FSTL5: variants seen among roughly 807,000 people sequenced by gnomAD.
FSTL5 encodes follistatin like 5, also known as follistatin-related protein 5.
A neutral mutation model predicts 89.1 loss-of-function variants in FSTL5; 62 were observed. The observed-to-expected ratio is 0.70, with a 90% CI of 0.57 to 0.86. FSTL5 has a LOEUF of 0.86. Ranked by LOEUF, FSTL5 falls within the 40% of genes least tolerant of loss-of-function variation. FSTL5 has a pLI of 0.00. For missense variants in FSTL5, 1,057 were observed against 1,001.6 expected (o/e 1.06, Z -0.75); for synonymous variants, 383 against 346.2 (o/e 1.11, Z -1.18).
intron 4 of FSTL5, among the ~76,000 whole-genome samples, chr4:161,830,609 C>T (rs1015607970): frequency 1.3e-5 from 2 of 151,824 alleles, no homozygotes; most frequent in African/African-American, 4.8e-5. Context: ...AAGTATATAC[C>T]ATAAGTATAT....
intron 7 of FSTL5, among the ~76,000 whole-genome samples, chr4:161,596,617 A>G (rs1413624697): frequency 6.6e-6 from 1 of 152,162 alleles, no homozygotes; most frequent in Non-Finnish European, 1.5e-5. Flanking sequence ...TTTAGGAATA[A>G]CTACATCTCA....
intron 3 of FSTL5, among the ~76,000 whole-genome samples, chr4:161,989,526 GACTA>G (rs139435770): frequency 0.055 from 8,371 of 152,136 alleles, 262 homozygotes; most frequent in Non-Finnish European, 0.077. Flanking sequence ...ATAAAAAGAT[GACTA>G]ACTGTCAACT....
intron 8 of FSTL5, among the ~76,000 whole-genome samples, chr4:161,586,826 G>A (rs898895654): frequency 6.6e-6 from 1 of 152,120 alleles, no homozygotes; most frequent in African/African-American, 2.4e-5. Flanking sequence ...CCTACAGAAA[G>A]CCATGTAAGT....
intron 4 of FSTL5, among the ~76,000 whole-genome samples, chr4:161,860,243 G>T (rs550530120): frequency 1.3e-5 from 2 of 152,050 alleles, no homozygotes; most frequent in Non-Finnish European, 2.9e-5. Flanking sequence ...AGAGGAGATC[G>T]CGCCACTGCA....
At chr4:161,860,915 A>ACCCCTCTCTCTCTCT (rs1731890302) in intron 4 of FSTL5, among the ~76,000 whole-genome samples, 1 of 151,310 alleles carries the variant, frequency 6.6e-6, no homozygotes, top group Non-Finnish European at 1.5e-5. Context: ...TCTCTCTCTC[A>ACCCCTCTCTCTCTCT]CACACACACA....
At position 161,654,607 on chromosome 4, in the gene FSTL5, A is replaced by G. The variant is rs147927396; in HGVS notation, c.894+1721T>C. On this transcript the variant is annotated intron_variant, in intron 7 of 15. Coordinates refer to ENST00000306100, the MANE Select transcript of FSTL5 (RefSeq NM_020116.5). ...AAAAGATAAAAATTGAAGAAGCTCT[A>G]TGTTTTTGATATATTCTGGGACATT... Among the ~76,000 whole-genome samples the G allele has an allele frequency of 6.0e-3, 917 of 152,254 alleles. 9 individuals carry two copies. The highest frequency in any genetic ancestry group is 0.046 in the South Asian group (220 of 4,824).
At chr4:161,497,231 T>C (rs2126479535) in intron 12 of FSTL5, among the ~76,000 whole-genome samples, 1 of 152,224 alleles carries the variant, frequency 6.6e-6, no homozygotes, top group South Asian at 2.1e-4. Flanking sequence ...TTATTTTACA[T>C]TAAGGAATGA....
At chr4:162,057,485 G>T (rs1738583295) in intron 2 of FSTL5, among the ~76,000 whole-genome samples, 1 of 152,096 alleles carries the variant, frequency 6.6e-6, no homozygotes, top group African/African-American at 2.4e-5. Context: ...TTTGCATTGG[G>T]CATAATGCAG....
chr4:161,810,139 T>TA (rs534592301), intron 4 of FSTL5, among the ~76,000 whole-genome samples: 266 of 152,188 alleles, frequency 1.7e-3, no homozygotes, highest in African/African-American at 6.1e-3. Context: ...ACAAGTATAT[T>TA]AAAAAAATTA....
intron 3 of FSTL5, among the ~76,000 whole-genome samples, chr4:161,945,062 T>C (rs1053922524): frequency 6.6e-6 from 1 of 152,254 alleles, no homozygotes; most frequent in African/African-American, 2.4e-5. Flanking sequence ...TCTCAGGTAG[T>C]ATACACTGGA....
At chr4:162,086,494 A>C (rs1282862518) in intron 2 of FSTL5, among the ~76,000 whole-genome samples, 1 of 151,972 alleles carries the variant, frequency 6.6e-6, no homozygotes. Flanking sequence ...TGGCATAATG[A>C]ATATGTCATG....
intron 8 of FSTL5, among the ~76,000 whole-genome samples, chr4:161,547,200 C>A (rs1209418747): frequency 6.6e-6 from 1 of 151,976 alleles, no homozygotes; most frequent in Non-Finnish European, 1.5e-5. Flanking sequence ...ATGCCAGCCG[C>A]AATCAAGCTT....
At chr4:162,029,643 TATC>T (rs1419823603) in intron 3 of FSTL5, among the ~76,000 whole-genome samples, 1 of 152,142 alleles carries the variant, frequency 6.6e-6, no homozygotes, top group Non-Finnish European at 1.5e-5. Context: ...GTGATGTGTT[TATC>T]ATCATCGATT....
At position 161,459,262 on chromosome 4, in the gene FSTL5, C is replaced by A. The variant is rs1733475863; in HGVS notation, c.1666G>T (p.Val556Phe). The change falls in exon 14 of 16, where the codon GTC (valine) becomes TTC (phenylalanine). Residue 556 changes from valine to phenylalanine, a missense_variant. Val to Phe is a conservative substitution (Grantham distance 50). This residue lies in a region of FSTL5 where 980 missense variants were observed against 903.2 expected (regional missense o/e 1.08). Coordinates refer to ENST00000306100, the MANE Select transcript of FSTL5 (RefSeq NM_020116.5). Reference protein sequence around the residue: ...KLHYDKSHDQVWVLSWGTLEK... With the variant: ...KLHYDKSHDQFWVLSWGTLEK... ...AAGGTACCCCAGCTTAGCACCCAGA[C>A]CTGATCATGTGATTTGTCATAGTGT... 24 of 1,613,504 alleles carry A rather than the reference C, an allele frequency of 1.5e-5. No homozygotes were observed. The highest frequency in any genetic ancestry group is 1.7e-5 in the Non-Finnish European group (20 of 1,179,606).
chr4:161,425,037 G>A (rs1732124914), intron 15 of FSTL5, among the ~76,000 whole-genome samples: 1 of 152,122 alleles, frequency 6.6e-6, no homozygotes, highest in East Asian at 1.9e-4. Context: ...TTGTTGGAAG[G>A]AGCCAGCCTC....
At chr4:162,000,301 A>G (rs564501339) in intron 3 of FSTL5, among the ~76,000 whole-genome samples, 101 of 152,282 alleles carry the variant, frequency 6.6e-4, no homozygotes, top group African/African-American at 2.4e-3. Flanking sequence ...CTTTTAAGAA[A>G]TATAACAGGC....
At chr4:161,848,096 A>G (rs77616469) in intron 4 of FSTL5, among the ~76,000 whole-genome samples, 11,037 of 148,666 alleles carry the variant, frequency 0.074, 509 homozygotes, top group African/African-American at 0.12. Flanking sequence ...AATTTCTTTC[A>G]TGATGTCTTG....
At chr4:161,912,224 A>G (rs1733713987) in intron 4 of FSTL5, among the ~76,000 whole-genome samples, 1 of 152,204 alleles carries the variant, frequency 6.6e-6, no homozygotes, top group Non-Finnish European at 1.5e-5. Flanking sequence ...AATATTTTGT[A>G]AGTTATAGAA....
chr4:162,020,595 GGTATCTTGCCT>G (rs1737047863), intron 3 of FSTL5, among the ~76,000 whole-genome samples: 1 of 152,010 alleles, frequency 6.6e-6, no homozygotes, highest in African/African-American at 2.4e-5. Context: ...AGACTAATTA[GGTATCTTGCCT>G]GTAGTCACCT....
Sources: allele counts gnomAD v4.1 joint callset (sites outside exome capture counted in the v4.1 genomes callset), GRCh38; gene constraint gnomAD v4.1.1; regional missense constraint gnomAD v4.1.1; transcripts MANE v1.5; gene names NCBI Gene and HGNC (gene_info 2026-07-23, HGNC 2026-07-21).